The following TENM3 variants were observed in gnomAD, a reference collection of about 807,000 sequenced individuals.
The protein encoded by TENM3 is teneurin transmembrane protein 3, also known as teneurin-3.
A neutral mutation model predicts 255.1 loss-of-function variants in TENM3; 63 were observed. The observed-to-expected ratio is 0.25, with a 90% CI of 0.20 to 0.30. TENM3 has a LOEUF of 0.30. Ranked by LOEUF, TENM3 falls within the 10% of genes least tolerant of loss-of-function variation. The probability of loss-of-function intolerance (pLI) is 1.00; values close to 1 mark genes in which losing one functional copy is unlikely to be tolerated. For missense variants in TENM3, 2,929 were observed against 3,461.1 expected (o/e 0.85, Z 3.86); for synonymous variants, 1,306 against 1,322.3 (o/e 0.99, Z 0.27).
At chr4:182,640,715 C>T (rs1687743230) in intron 5 of TENM3, among the ~76,000 whole-genome samples, 2 of 152,158 alleles carry the variant, frequency 1.3e-5, no homozygotes, top group Admixed American at 6.5e-5. Context: ...GTGGGCAAGT[C>T]TCCCAGGGAT....
Position 182,731,157 on chromosome 4 carries a change from G to T in TENM3, c.2967+18G>T. Reference sequence around the variant, plus strand: ...AAACACAGGTAAAATATTCTCACAGGCAGTACTTGTAAATACAAGATCTTC... The same window carrying T: ...AAACACAGGTAAAATATTCTCACAGTCAGTACTTGTAAATACAAGATCTTC... On this transcript the variant is annotated intron_variant, in intron 16 of 27. Coordinates refer to ENST00000511685, the MANE Select transcript of TENM3 (RefSeq NM_001080477.4). 2 of 1,608,406 alleles carry T rather than the reference G, an allele frequency of 1.2e-6. No individual in the cohort carries two copies. Among genetic ancestry groups the T allele is most frequent in the Non-Finnish European group, 8.5e-7 (1 of 1,177,192 alleles).
rs868009199 is a variant in TENM3, at chr4:182,296,501, T to C, written c.-75-27445T>C. ...GAGAGGTTTATAATCAGGGCAAGCC[T>C]TGATCTACCAAAAGATTTACTGGAC... On this transcript the variant is annotated intron_variant, in intron 1 of 27. Transcript: ENST00000511685. 1.2e-4 allele frequency among the ~76,000 whole-genome samples: 18 copies of C among 152,182 alleles called. 1 individual carries two copies. Among genetic ancestry groups the C allele is most frequent in the Admixed American group, 9.2e-4 (14 of 15,286 alleles).
intron 18 of TENM3, among the ~76,000 whole-genome samples, chr4:182,740,081 A>G (rs1457286404): frequency 6.6e-6 from 1 of 152,216 alleles, no homozygotes; most frequent in Non-Finnish European, 1.5e-5. Flanking sequence ...CCTCCAGGAA[A>G]TAATAGTCTG....
intron 3 of TENM3, among the ~76,000 whole-genome samples, chr4:182,575,538 AAT>A (rs1298185025): frequency 2.6e-5 from 4 of 152,166 alleles, no homozygotes; most frequent in Admixed American, 2.0e-4. Flanking sequence ...ACAGGCTTTT[AAT>A]ATTCCATCTG....
the TENM3 span, among the ~76,000 whole-genome samples, chr4:181,709,869 A>G: frequency 1.3e-5 from 2 of 152,236 alleles, no homozygotes; most frequent in Non-Finnish European, 2.9e-5. Flanking sequence ...GGAGAAAATC[A>G]GGGATGAATC....
the TENM3 span, among the ~76,000 whole-genome samples, chr4:181,991,478 G>T: frequency 6.6e-6 from 1 of 152,030 alleles, no homozygotes; most frequent in Non-Finnish European, 1.5e-5. Flanking sequence ...AGGCTTAATC[G>T]GGTGGTATGG....
At chr4:182,556,150 A>C (rs535336602) in intron 3 of TENM3, among the ~76,000 whole-genome samples, 46 of 152,250 alleles carry the variant, frequency 3.0e-4, no homozygotes, top group Admixed American at 1.0e-3. Context: ...ACAACCTCCC[A>C]CCTTCCTAGT....
At chr4:182,524,840 C>CAA (rs11354238) in intron 3 of TENM3, among the ~76,000 whole-genome samples, 3 of 122,918 alleles carry the variant, frequency 2.4e-5, no homozygotes, top group Non-Finnish European at 3.4e-5. Context: ...TCTGTCTCTA[C>CAA]AAAAAAAAAA....
chr4:182,484,208 C>T (rs898729713), intron 3 of TENM3, among the ~76,000 whole-genome samples: 4 of 152,056 alleles, frequency 2.6e-5, no homozygotes, highest in East Asian at 1.9e-4. Flanking sequence ...TACACCAATC[C>T]GATAAAATAG....
the TENM3 span, among the ~76,000 whole-genome samples, chr4:182,089,972 T>C: frequency 6.6e-6 from 1 of 152,190 alleles, no homozygotes; most frequent in African/African-American, 2.4e-5. Flanking sequence ...AAAGCCAATG[T>C]TGACTCAGTC....
chr4:182,121,561 T>C, the TENM3 span, among the ~76,000 whole-genome samples: 3 of 152,214 alleles, frequency 2.0e-5, no homozygotes, highest in African/African-American at 7.2e-5. Context: ...ATGGTTTCTT[T>C]TGGTCTCCCA....
Position 182,455,456 on chromosome 4 carries a change from A to C in TENM3, c.511+108527A>C, listed in dbSNP as rs374470441. ...ATACCTCACCCTCTACTGCTCCTCC[A>C]CTCCCACCTTCGCACCAGTATTTTC... On this transcript the variant is annotated intron_variant, in intron 3 of 27. Coordinates refer to ENST00000511685, the MANE Select transcript of TENM3 (RefSeq NM_001080477.4). 3.6e-5 allele frequency among the ~76,000 whole-genome samples: 5 copies of C among 137,862 alleles called. No individual in the cohort carries two copies. The South Asian group carries it at 7.0e-4, about 19-fold the overall frequency. The allele number at this position is 137,862 out of a possible 152,430, so 90.4% of individuals were successfully genotyped here. A position where few individuals can be genotyped will look rare whatever the true frequency, so the allele number is the denominator to read the frequency against.
chr4:182,567,884 T>G (rs1224214817), intron 3 of TENM3, among the ~76,000 whole-genome samples: 1 of 150,848 alleles, frequency 6.6e-6, no homozygotes, highest in African/African-American at 2.4e-5. Context: ...GTTTTGTTCA[T>G]AGAGGTAACT....
chr4:182,444,207 C>A (rs1772723549), intron 3 of TENM3, among the ~76,000 whole-genome samples: 1 of 152,080 alleles, frequency 6.6e-6, no homozygotes, highest in Admixed American at 6.6e-5. Flanking sequence ...GAGAAAAGAC[C>A]CATGATTTTA....
At chr4:181,874,154 G>A in the TENM3 span, among the ~76,000 whole-genome samples, 1 of 151,882 alleles carries the variant, frequency 6.6e-6, no homozygotes, top group Non-Finnish European at 1.5e-5. Context: ...CCTGACCTCA[G>A]GTGATCCACC....
the TENM3 span, among the ~76,000 whole-genome samples, chr4:181,449,241 A>G: frequency 0.13 from 19,964 of 152,190 alleles, 1,487 homozygotes; most frequent in East Asian, 0.27. Context: ...AAGACGGTGC[A>G]GTTTTTCTCC....
the TENM3 span, among the ~76,000 whole-genome samples, chr4:181,644,051 G>C: frequency 6.7e-6 from 1 of 149,370 alleles, no homozygotes; most frequent in Non-Finnish European, 1.5e-5. Flanking sequence ...ATTCTAGCCT[G>C]GGTGACAGAA....
At chr4:182,449,209 T>C (rs1480165766) in intron 3 of TENM3, 37 of 52,156 alleles carry the variant, frequency 7.1e-4, no homozygotes, top group Admixed American at 1.3e-3. Flanking sequence ...GTGGCGGTGG[T>C]GGCGGCGGCG....
At chr4:182,537,202 G>A (rs987006089) in intron 3 of TENM3, among the ~76,000 whole-genome samples, 5 of 152,022 alleles carry the variant, frequency 3.3e-5, no homozygotes, top group African/African-American at 7.2e-5. Flanking sequence ...GCATTCTCTC[G>A]TCATCCTGTG....
Sources: allele counts gnomAD v4.1 joint callset (sites outside exome capture counted in the v4.1 genomes callset), GRCh38; gene constraint gnomAD v4.1.1; transcripts MANE v1.5; gene names NCBI Gene and HGNC (gene_info 2026-07-23, HGNC 2026-07-21).